The following TMEM132C variants were observed in gnomAD, a reference collection of about 807,000 sequenced individuals.
The protein encoded by TMEM132C is transmembrane protein 132C, also known as protein phosphatase 1, regulatory subunit 152.
Under a neutral mutation model 61.4 loss-of-function variants are expected in TMEM132C, and 29 were observed. The ratio of observed to expected loss-of-function variants is 0.47; its 90% CI spans 0.35 to 0.64. TMEM132C has a LOEUF of 0.64. Among genes scored for constraint, TMEM132C ranks in the 30% least tolerant of loss-of-function variants. The pLI is 0.00. For missense variants in TMEM132C, 1,408 were observed against 1,476.9 expected (o/e 0.95, Z 0.76); for synonymous variants, 656 against 633.1 (o/e 1.04, Z -0.54).
intron 2 of TMEM132C, among the ~76,000 whole-genome samples, chr12:128,507,782 C>T (rs1275429018): frequency 2.6e-5 from 4 of 152,172 alleles, no homozygotes; most frequent in Non-Finnish European, 4.4e-5. Context: ...GGACTCACTC[C>T]TCCAAGGCTC....
At chr12:128,542,259 C>T (rs57195752) in intron 2 of TMEM132C, among the ~76,000 whole-genome samples, 10,657 of 152,094 alleles carry the variant, frequency 0.07, 1,250 homozygotes, top group African/African-American at 0.24. Context: ...TCTGTTGCTG[C>T]GGCTGCATTT....
intron 3 of TMEM132C, among the ~76,000 whole-genome samples, chr12:128,614,995 ACCAGGGCCACTG>A (rs1876751931): frequency 6.6e-6 from 1 of 152,134 alleles, no homozygotes; most frequent in Non-Finnish European, 1.5e-5. Context: ...CCCCAGGAGA[ACCAGGGCCACTG>A]TGCTCACCAG....
intron 3 of TMEM132C, among the ~76,000 whole-genome samples, chr12:128,557,083 C>A (rs761316195): frequency 2.6e-5 from 4 of 151,838 alleles, no homozygotes; most frequent in African/African-American, 9.7e-5. Flanking sequence ...TAGTCCTCTT[C>A]TTTATGGTTC....
chr12:128,309,230 A>C (rs1871889183), intron 1 of TMEM132C, among the ~76,000 whole-genome samples: 1 of 152,248 alleles, frequency 6.6e-6, no homozygotes, highest in African/African-American at 2.4e-5. Context: ...AAAATAAAGC[A>C]GAAAGATTTA....
intron 2 of TMEM132C, among the ~76,000 whole-genome samples, chr12:128,455,466 A>T (rs1263986318): frequency 6.6e-6 from 1 of 152,186 alleles, no homozygotes; most frequent in Non-Finnish European, 1.5e-5. Flanking sequence ...ATGACAAGGG[A>T]ACCAGTAAGC....
chr12:128,392,064 T>TTCTC (rs34334973), intron 1 of TMEM132C, among the ~76,000 whole-genome samples: 32,327 of 130,144 alleles, frequency 0.25, 4,132 homozygotes, highest in Middle Eastern at 0.33. Flanking sequence ...CTCTCTCTCT[T>TTCTC]TCTCTCTCTC....
chr12:128,400,095 T>C (rs185034506), intron 1 of TMEM132C: 4 of 152,384 alleles, frequency 2.6e-5, no homozygotes, highest in African/African-American at 9.6e-5. Context: ...GTGTGTCCTC[T>C]TAGAAGCTTT....
chr12:128,516,086 C>T (rs917379186), intron 2 of TMEM132C, among the ~76,000 whole-genome samples: 9 of 152,246 alleles, frequency 5.9e-5, no homozygotes, highest in Admixed American at 2.0e-4. Flanking sequence ...GACGACAGAA[C>T]GAGGCCTGAT....
At chr12:128,268,585 C>T (rs1455185053) in intron 1 of TMEM132C, among the ~76,000 whole-genome samples, 1 of 152,014 alleles carries the variant, frequency 6.6e-6, no homozygotes, top group African/African-American at 2.4e-5. Flanking sequence ...AGCCTTCGCG[C>T]GGCGCCGCGG....
At chr12:128,392,065 TC>T (rs1874784430) in intron 1 of TMEM132C, among the ~76,000 whole-genome samples, 1 of 1,540 alleles carries the variant, frequency 6.5e-4, no homozygotes, top group African/African-American at 8.7e-4. Context: ...TCTCTCTCTT[TC>T]TCTCTCTCTC....
At chr12:128,389,865 T>G (rs1222810991) in intron 1 of TMEM132C, among the ~76,000 whole-genome samples, 2 of 152,170 alleles carry the variant, frequency 1.3e-5, no homozygotes, top group Non-Finnish European at 2.9e-5. Context: ...AGTTTTCTTT[T>G]CTGTTTTGTA....
At chr12:128,389,605 A>C (rs914782605) in intron 1 of TMEM132C, among the ~76,000 whole-genome samples, 1 of 150,200 alleles carries the variant, frequency 6.7e-6, no homozygotes, top group Non-Finnish European at 1.5e-5. Context: ...TGTGTTGATC[A>C]TGGAGGGAGC....
At chr12:128,586,267 A>G (rs1240618875) in intron 3 of TMEM132C, among the ~76,000 whole-genome samples, 1 of 151,954 alleles carries the variant, frequency 6.6e-6, no homozygotes, top group Non-Finnish European at 1.5e-5. Flanking sequence ...TTAAGTGTCA[A>G]AAAAGTTAAA....
At chr12:128,516,566 C>T (rs548058362) in intron 2 of TMEM132C, among the ~76,000 whole-genome samples, 86 of 149,398 alleles carry the variant, frequency 5.8e-4, no homozygotes, top group African/African-American at 1.8e-3. Context: ...ACAACTTTTA[C>T]ATTTTATTGT....
rs373744713 is a variant in TMEM132C, at chr12:128,544,021, G to A, written c.1039G>A (p.Val347Ile). 1.6e-4 allele frequency: 241 copies of A among 1,548,896 alleles called. No homozygotes were observed. The highest frequency in any genetic ancestry group is 3.2e-4 in the East Asian group (13 of 40,652). ...AQTREPRQWGVKQEVGSGGKH... is the reference protein window; with the variant it reads ...AQTREPRQWGIKQEVGSGGKH... ...GACCCGTGAGCCCCGGCAGTGGGGC[G>A]TCAAGCAGGAGGTGGGCAGCGGCGG... Residue 347 changes from valine (V) to isoleucine (I), a missense_variant, in exon 3 of 9, where the codon GTC becomes ATC. Coordinates refer to ENST00000435159, the MANE Select transcript of TMEM132C (RefSeq NM_001136103.3).
chr12:128,416,059 AG>A (rs1299052457), intron 2 of TMEM132C, among the ~76,000 whole-genome samples: 1 of 152,192 alleles, frequency 6.6e-6, no homozygotes, highest in Admixed American at 6.5e-5. Context: ...AGCCAAACAT[AG>A]TACCCTTTTT....
intron 1 of TMEM132C, among the ~76,000 whole-genome samples, chr12:128,396,226 A>T (rs762483112): frequency 6.6e-6 from 1 of 152,200 alleles, no homozygotes; most frequent in Non-Finnish European, 1.5e-5. Context: ...TTTTCACCCA[A>T]TAACACTTCT....
chr12:128,514,288 C>A (rs1184286019), intron 2 of TMEM132C, among the ~76,000 whole-genome samples: 1 of 152,192 alleles, frequency 6.6e-6, no homozygotes, highest in Non-Finnish European at 1.5e-5. Flanking sequence ...ACTTAGCAAG[C>A]ACTCAGAGAG....
At chr12:128,542,149 G>A (rs1332626294) in intron 2 of TMEM132C, among the ~76,000 whole-genome samples, 2 of 152,102 alleles carry the variant, frequency 1.3e-5, no homozygotes, top group Non-Finnish European at 2.9e-5. Flanking sequence ...GGTAGAAACT[G>A]TGTTGGTTGT....
Sources: allele counts gnomAD v4.1 joint callset (sites outside exome capture counted in the v4.1 genomes callset), GRCh38; gene constraint gnomAD v4.1.1; transcripts MANE v1.5; gene names NCBI Gene and HGNC (gene_info 2026-07-23, HGNC 2026-07-21).